The following CTNND2 variants were observed in gnomAD, a reference collection of about 807,000 sequenced individuals.
The protein encoded by CTNND2 is catenin delta 2.
In CTNND2, 22 loss-of-function variants were observed where a neutral mutation model predicts 144.4. The ratio of observed to expected loss-of-function variants is 0.15; its 90% CI spans 0.11 to 0.22. The LOEUF (loss-of-function observed/expected upper bound fraction) is 0.22. CTNND2 is among the 10% of genes least tolerant of loss of function. The pLI, the probability that CTNND2 is intolerant of heterozygous loss-of-function variation, is 1.00. For synonymous variants in CTNND2, 751 were observed against 695.6 expected, an observed-to-expected ratio of 1.08 and a Z score of -1.25; for missense variants, 1,353 against 1,618.8, an observed-to-expected ratio of 0.84 and a Z score of 2.82.
chr5:11,691,708 C>G (rs1784916886), intron 2 of CTNND2, among the ~76,000 whole-genome samples: 1 of 152,040 alleles, frequency 6.6e-6, no homozygotes, highest in Non-Finnish European at 1.5e-5. Flanking sequence ...AGTTTAAGAC[C>G]AGCCCTGGCA....
chr5:11,831,707 T>C (rs1159913827), intron 1 of CTNND2, among the ~76,000 whole-genome samples: 1 of 150,516 alleles, frequency 6.6e-6, no homozygotes, highest in Non-Finnish European at 1.5e-5. Flanking sequence ...TTCCCCCTCA[T>C]AAATGAGAGC....
intron 9 of CTNND2, among the ~76,000 whole-genome samples, chr5:11,261,332 G>A (rs1410150812): frequency 6.6e-6 from 1 of 151,978 alleles, no homozygotes; most frequent in Admixed American, 6.6e-5. Flanking sequence ...TTATATTCTG[G>A]GAGTTCCTTC....
intron 12 of CTNND2, among the ~76,000 whole-genome samples, chr5:11,143,342 T>C (rs545272765): frequency 6.6e-6 from 1 of 152,264 alleles, no homozygotes; most frequent in African/African-American, 2.4e-5. Context: ...AACAGAAATG[T>C]ATTGTTTCAC....
chr5:11,210,356 C>G (rs903677935), intron 10 of CTNND2, among the ~76,000 whole-genome samples: 3 of 152,082 alleles, frequency 2.0e-5, no homozygotes, highest in Non-Finnish European at 2.9e-5. Context: ...CTAGATCTTG[C>G]CACTGTACTC....
chr5:11,768,688 T>G (rs929797014), intron 1 of CTNND2, among the ~76,000 whole-genome samples: 3 of 152,174 alleles, frequency 2.0e-5, no homozygotes, highest in African/African-American at 7.2e-5. Flanking sequence ...CATCTTGTGA[T>G]CACATACTAT....
intron 10 of CTNND2, among the ~76,000 whole-genome samples, chr5:11,220,404 A>G (rs1739668307): frequency 6.6e-6 from 1 of 152,208 alleles, no homozygotes; most frequent in African/African-American, 2.4e-5. Flanking sequence ...CTGGGATTTA[A>G]GGGAAATGCA....
chr5:11,261,366 CTTTA>C (rs1419211407), intron 9 of CTNND2, among the ~76,000 whole-genome samples: 1 of 152,176 alleles, frequency 6.6e-6, no homozygotes, highest in African/African-American at 2.4e-5. Flanking sequence ...TGAGAGAATA[CTTTA>C]TTTGTTATTT....
In CTNND2 at chr5:11,250,489, C is replaced by CTATATA. The variant is rs1161027337; in HGVS notation, c.1629-13667_1629-13666insTATATA. On this transcript the variant is annotated intron_variant, in intron 9 of 21. Coordinates refer to ENST00000304623, the MANE Select transcript of CTNND2 (RefSeq NM_001332.4). Reference sequence around the variant, plus strand: ...TCTCTCTCTCTCTCTCTCTCTCTCTCTCTATATATATATATATATATATAC... The same window carrying CTATATA: ...TCTCTCTCTCTCTCTCTCTCTCTCTCTATATATCTATATATATATATATATATATAC... 5.4e-3 allele frequency among the ~76,000 whole-genome samples: 366 copies of CTATATA among 67,968 alleles called. 1 individual carries two copies. The highest frequency in any genetic ancestry group is 0.011 in the African/African-American group (147 of 13,550). The allele number at this position is 67,968 out of a possible 152,430, so 44.6% of individuals were successfully genotyped here. A position where few individuals can be genotyped will look rare whatever the true frequency, so the allele number is the denominator to read the frequency against.
intron 13 of CTNND2, among the ~76,000 whole-genome samples, chr5:11,116,831 G>A (rs992802533): frequency 2.2e-4 from 33 of 152,288 alleles, no homozygotes; most frequent in Middle Eastern, 3.4e-3. Context: ...TCTGAGGTGG[G>A]CGGATCACTT....
At chr5:11,537,391 A>G (rs1458449582) in intron 3 of CTNND2, among the ~76,000 whole-genome samples, 2 of 152,268 alleles carry the variant, frequency 1.3e-5, no homozygotes, top group African/African-American at 4.8e-5. Flanking sequence ...CCTTTTTGTT[A>G]TATAACTCCT....
intron 9 of CTNND2, among the ~76,000 whole-genome samples, chr5:11,305,652 T>C (rs1359434382): frequency 6.6e-6 from 1 of 152,110 alleles, no homozygotes; most frequent in Non-Finnish European, 1.5e-5. Context: ...CTACGGGAAA[T>C]AAAAAATTAA....
intron 1 of CTNND2, among the ~76,000 whole-genome samples, chr5:11,882,403 T>C (rs893367314): frequency 6.6e-6 from 1 of 152,120 alleles, no homozygotes; most frequent in African/African-American, 2.4e-5. Flanking sequence ...TTCTTCTATA[T>C]GCTGAGAGAC....
At chr5:11,495,742 G>T (rs866473645) in intron 3 of CTNND2, among the ~76,000 whole-genome samples, 3 of 152,126 alleles carry the variant, frequency 2.0e-5, no homozygotes, top group African/African-American at 2.4e-5. Context: ...GCAGAACAAG[G>T]CTTGAAGTTC....
chr5:11,849,698 T>G (rs904860138), intron 1 of CTNND2, among the ~76,000 whole-genome samples: 4 of 152,082 alleles, frequency 2.6e-5, no homozygotes, highest in African/African-American at 9.7e-5. Flanking sequence ...AAACCACAAG[T>G]TGGAGGGTTG....
rs150038488 is a variant in CTNND2, at chr5:11,846,049, T to G, written c.37+57768A>C. Among the ~76,000 whole-genome samples, 974 of 152,224 alleles carry G rather than the reference T, an allele frequency of 6.4e-3. 12 individuals carry two copies. Among genetic ancestry groups the G allele is most frequent in the African/African-American group, 0.018 (767 of 41,546 alleles). The stretch of plus-strand genomic sequence containing the variant: ...GATTTCTAAATGAATGAATGGCTAA[T>G]AGAGAATAATTATTCCAAATATAGG... On this transcript the variant is annotated intron_variant, in intron 1 of 21. Coordinates refer to ENST00000304623, the MANE Select transcript of CTNND2 (RefSeq NM_001332.4).
chr5:11,382,732 G>T (rs916124082), intron 7 of CTNND2, among the ~76,000 whole-genome samples: 1 of 151,446 alleles, frequency 6.6e-6, no homozygotes, highest in South Asian at 2.1e-4. Flanking sequence ...TCACAACCCC[G>T]AAATTCCAAA....
At chr5:11,203,352 T>A (rs746380087) in intron 10 of CTNND2, among the ~76,000 whole-genome samples, 2 of 152,194 alleles carry the variant, frequency 1.3e-5, no homozygotes, top group African/African-American at 4.8e-5. Flanking sequence ...TGAGCCCAGG[T>A]TTTTGTTAAC....
chr5:11,240,305 C>T, intron 9 of CTNND2, among the ~76,000 whole-genome samples: 1 of 104,950 alleles, frequency 9.5e-6, no homozygotes, highest in African/African-American at 3.5e-5. Flanking sequence ...ACACCCAACA[C>T]ACATACACCC....
intron 3 of CTNND2, among the ~76,000 whole-genome samples, chr5:11,558,783 C>T (rs936880431): frequency 2.0e-5 from 3 of 152,072 alleles, no homozygotes; most frequent in African/African-American, 4.8e-5. Flanking sequence ...ACTGAGGTCT[C>T]GATCTCAGCT....
Sources: gnomAD v4.1 joint callset for allele counts (sites outside exome capture counted in the v4.1 genomes callset) on GRCh38, gnomAD v4.1.1 for gene constraint, MANE v1.5 for transcripts, NCBI Gene and HGNC (gene_info 2026-07-23, HGNC 2026-07-21) for gene names.